RUNX2: variants seen among roughly 807,000 people sequenced by gnomAD.
RUNX2 encodes runt-related transcription factor 2.
RUNX2 carries 10 observed loss-of-function variants against 51.7 expected under a neutral mutation model. The observed-to-expected ratio is 0.19, with a 90% CI of 0.12 to 0.33. The LOEUF (loss-of-function observed/expected upper bound fraction) is 0.33, where lower values mean the gene tolerates loss of function less well. RUNX2 is among the 10% of genes least tolerant of loss of function. The pLI, the probability that RUNX2 is intolerant of heterozygous loss-of-function variation, is 1.00. For synonymous variants in RUNX2, 276 were observed against 273.6 expected, an observed-to-expected ratio of 1.01 and a Z score of -0.09; for missense variants, 562 against 691.3, an observed-to-expected ratio of 0.81 and a Z score of 2.10.
At chr6:45,501,593 A>G (rs1278203141) in intron 6 of RUNX2, among the ~76,000 whole-genome samples, 4 of 152,200 alleles carry the variant, frequency 2.6e-5, no homozygotes, top group African/African-American at 9.7e-5. Context: ...AACTGACCAC[A>G]ATCTATATAT....
At chr6:45,512,568 A>G (rs1242337626) in intron 7 of RUNX2, among the ~76,000 whole-genome samples, 161 bp downstream of exon 7, 1 of 152,190 alleles carries the variant, frequency 6.6e-6, no homozygotes, top group Non-Finnish European at 1.5e-5. Context: ...TTATGGGGTT[A>G]TCAAACACTG....
intron 5 of RUNX2, among the ~76,000 whole-genome samples, chr6:45,450,280 C>T (rs1799125284): frequency 6.6e-6 from 1 of 152,190 alleles, no homozygotes; most frequent in Non-Finnish European, 1.5e-5. Flanking sequence ...CCGTTCCTCC[C>T]CCAACCCTGT....
intron 2 of RUNX2, chr6:45,422,015 G>C (rs967828358): frequency 1.7e-4 from 26 of 149,256 alleles, no homozygotes; most frequent in African/African-American, 4.9e-4. Context: ...TGCAGCCCGC[G>C]CGGGGGGAGC....
At chr6:45,440,469 G>A (rs531473419) in intron 5 of RUNX2, among the ~76,000 whole-genome samples, 34 of 152,246 alleles carry the variant, frequency 2.2e-4, no homozygotes, top group Admixed American at 8.5e-4. Context: ...CGTTTTCTAC[G>A]GAGTGCCAGA....
At chr6:45,519,145 G>A (rs1365188807) in intron 7 of RUNX2, among the ~76,000 whole-genome samples, 1 of 152,176 alleles carries the variant, frequency 6.6e-6, no homozygotes, top group Non-Finnish European at 1.5e-5. Flanking sequence ...ATAAATGCTA[G>A]TGGAAAAAGG....
At chr6:45,436,326 G>A (rs1798684893) in intron 4 of RUNX2, among the ~76,000 whole-genome samples, 1 of 151,394 alleles carries the variant, frequency 6.6e-6, no homozygotes, top group African/African-American at 2.4e-5. Flanking sequence ...TAATTTTAGG[G>A]TCTGAAAAAT....
intron 5 of RUNX2, among the ~76,000 whole-genome samples, chr6:45,438,476 C>T (rs1046738178): frequency 5.3e-5 from 8 of 152,274 alleles, no homozygotes; most frequent in African/African-American, 9.6e-5. Context: ...CTTTTTAACT[C>T]GCCCACTCAA....
intron 5 of RUNX2, among the ~76,000 whole-genome samples, chr6:45,446,881 A>G (rs2150377586): frequency 6.6e-6 from 1 of 152,356 alleles, no homozygotes; most frequent in East Asian, 1.9e-4. Flanking sequence ...GGTCTAAAAT[A>G]TTAATTCAAG....
chr6:45,403,234 T>C (rs896050823), intron 2 of RUNX2, among the ~76,000 whole-genome samples: 14 of 133,450 alleles, frequency 1.0e-4, no homozygotes, highest in Non-Finnish European at 9.2e-5. Context: ...AGTTTCTTTT[T>C]TTTTTTTTTT....
intron 2 of RUNX2, among the ~76,000 whole-genome samples, chr6:45,408,664 A>G (rs1240870653): frequency 6.6e-6 from 1 of 152,008 alleles, no homozygotes; most frequent in Non-Finnish European, 1.5e-5. Flanking sequence ...GTCAAGCAGA[A>G]TGGAAGGACT....
At chr6:45,473,530 G>A (rs1181286322) in intron 5 of RUNX2, among the ~76,000 whole-genome samples, 2 of 152,150 alleles carry the variant, frequency 1.3e-5, no homozygotes, top group East Asian at 1.9e-4. Context: ...TATGCTTGAC[G>A]ACAGGTGCTA....
intron 6 of RUNX2, among the ~76,000 whole-genome samples, chr6:45,496,855 G>A (rs2150410602): frequency 6.6e-6 from 1 of 152,304 alleles, no homozygotes; most frequent in South Asian, 2.1e-4. Flanking sequence ...GTAAATGGTG[G>A]TAGCAGTGGA....
At chr6:45,407,269 C>A (rs73441925) in intron 2 of RUNX2, among the ~76,000 whole-genome samples, 2 of 151,748 alleles carry the variant, frequency 1.3e-5, no homozygotes, top group Admixed American at 1.3e-4. Flanking sequence ...AGGCTGGTCT[C>A]GAACTCCTGA....
At chr6:45,399,758 G>T (rs1797664174) in intron 2 of RUNX2, among the ~76,000 whole-genome samples, 1 of 132,032 alleles carries the variant, frequency 7.6e-6, no homozygotes, top group South Asian at 2.5e-4. Context: ...AGGAAGAGAG[G>T]AAAGGAAGGA....
At chr6:45,437,560 A>T (rs1721140817) in intron 4 of RUNX2, among the ~76,000 whole-genome samples, 1 of 152,196 alleles carries the variant, frequency 6.6e-6, no homozygotes, top group Non-Finnish European at 1.5e-5. Flanking sequence ...TGAGGTCATG[A>T]CCCAACCCTA....
At chr6:45,449,393 T>G (rs1017848195) in intron 5 of RUNX2, among the ~76,000 whole-genome samples, 1 of 152,224 alleles carries the variant, frequency 6.6e-6, no homozygotes, top group African/African-American at 2.4e-5. Context: ...CCTCAGTGAT[T>G]CTCTGTACAT....
At chr6:45,410,063 A>G (rs1393587264) in intron 2 of RUNX2, among the ~76,000 whole-genome samples, 1 of 152,184 alleles carries the variant, frequency 6.6e-6, no homozygotes, top group African/African-American at 2.4e-5. Flanking sequence ...TTTGGGTTTT[A>G]CTTTTTAAAC....
intron 2 of RUNX2, among the ~76,000 whole-genome samples, chr6:45,376,980 C>T (rs1371257864): frequency 6.6e-6 from 1 of 151,696 alleles, no homozygotes; most frequent in African/African-American, 2.4e-5. Context: ...GCTAATTTAT[C>T]CACGTGTACA....
chr6:45,483,440 T>C (rs943760364), intron 5 of RUNX2, among the ~76,000 whole-genome samples: 2 of 152,150 alleles, frequency 1.3e-5, no homozygotes, highest in African/African-American at 2.4e-5. Flanking sequence ...AATTCAGCAA[T>C]CATTTGTTGT....
Sources: gnomAD v4.1 joint callset for allele counts (sites outside exome capture counted in the v4.1 genomes callset) on GRCh38, gnomAD v4.1.1 for gene constraint, MANE v1.5 for transcripts, NCBI Gene and HGNC (gene_info 2026-07-23, HGNC 2026-07-21) for gene names.